The following OPCML variants were observed in gnomAD, a reference collection of about 807,000 sequenced individuals.
OPCML encodes opioid binding protein/cell adhesion molecule like.
Under a neutral mutation model 37.8 loss-of-function variants are expected in OPCML, and 13 were observed. The observed-to-expected ratio is 0.34, with a 90% CI of 0.22 to 0.55. The LOEUF (loss-of-function observed/expected upper bound fraction) is 0.55, where lower values mean the gene tolerates loss of function less well. Among genes scored for constraint, OPCML ranks in the 20% least tolerant of loss-of-function variants. The pLI is 0.91. For synonymous variants in OPCML, 176 were observed against 168.8 expected (o/e 1.04, Z -0.33); for missense variants, 341 against 435.6 (o/e 0.78, Z 1.93).
At chr11:132,707,071 T>C (rs1189396116) in intron 2 of OPCML, among the ~76,000 whole-genome samples, 1 of 152,210 alleles carries the variant, frequency 6.6e-6, no homozygotes, top group African/African-American at 2.4e-5. Context: ...TTTTTTAAAA[T>C]GTAATTTAAT....
At chr11:132,589,164 G>A (rs1240242387) in intron 3 of OPCML, among the ~76,000 whole-genome samples, 1 of 152,100 alleles carries the variant, frequency 6.6e-6, no homozygotes, top group Non-Finnish European at 1.5e-5. Flanking sequence ...AATATTCTGA[G>A]TATCATAGAT....
intron 2 of OPCML, among the ~76,000 whole-genome samples, chr11:132,911,314 C>T (rs1468952588): frequency 6.6e-6 from 1 of 152,160 alleles, no homozygotes; most frequent in African/African-American, 2.4e-5. Context: ...GCCAAATAAC[C>T]AGTAGATGAG....
chr11:132,999,019 G>C (rs1353273379), intron 1 of OPCML, among the ~76,000 whole-genome samples: 1 of 152,190 alleles, frequency 6.6e-6, no homozygotes, highest in African/African-American at 2.4e-5. Context: ...TCTTTCCGCA[G>C]ATGAGGAAAC....
chr11:133,168,124 G>C (rs925752128), intron 1 of OPCML, among the ~76,000 whole-genome samples: 2 of 152,232 alleles, frequency 1.3e-5, no homozygotes, highest in Non-Finnish European at 2.9e-5. Context: ...GAATTGGAAG[G>C]CTTCACTTGA....
At chr11:133,139,455 T>C (rs1459807097) in intron 1 of OPCML, among the ~76,000 whole-genome samples, 2 of 152,206 alleles carry the variant, frequency 1.3e-5, no homozygotes, top group Non-Finnish European at 2.9e-5. Context: ...AGTTAATAAG[T>C]GGTGAAACTG....
At chr11:132,938,934 A>G (rs190326473) in intron 2 of OPCML, among the ~76,000 whole-genome samples, 18 of 152,292 alleles carry the variant, frequency 1.2e-4, no homozygotes, top group Admixed American at 1.1e-3. Flanking sequence ...TTTTGACATC[A>G]TCAATCTGGG....
intron 1 of OPCML, among the ~76,000 whole-genome samples, chr11:133,312,877 A>T (rs1943098717): frequency 6.6e-6 from 1 of 152,214 alleles, no homozygotes; most frequent in Non-Finnish European, 1.5e-5. Flanking sequence ...AAAAAATCTC[A>T]TAGATTTATA....
At chr11:133,413,518 CAAAA>C (rs1028392596) in intron 1 of OPCML, among the ~76,000 whole-genome samples, 1 of 150,896 alleles carries the variant, frequency 6.6e-6, no homozygotes, top group Non-Finnish European at 1.5e-5. Context: ...TAAAAACAAA[CAAAA>C]AAAAGAAATA....
chr11:132,978,374 G>C (rs1946510068), intron 1 of OPCML, among the ~76,000 whole-genome samples: 1 of 152,194 alleles, frequency 6.6e-6, no homozygotes, highest in African/African-American at 2.4e-5. Context: ...GTGGAGAGAA[G>C]AGTTTGGTAG....
At chr11:133,327,202 AG>A (rs1018744579) in intron 1 of OPCML, among the ~76,000 whole-genome samples, 7 of 92,650 alleles carry the variant, frequency 7.6e-5, no homozygotes, top group Admixed American at 2.4e-4. Flanking sequence ...TGTGTGTATG[AG>A]GGGGTATGTG....
At chr11:132,898,864 GGAGGCCTCATGCTTCT>G (rs1478339345) in intron 2 of OPCML, among the ~76,000 whole-genome samples, 1 of 142,452 alleles carries the variant, frequency 7.0e-6, no homozygotes, top group Non-Finnish European at 1.5e-5. Flanking sequence ...CAGCCACTTT[GGAGGCCTCATGCTTCT>G]GAGTCAACTG....
intron 1 of OPCML, among the ~76,000 whole-genome samples, chr11:133,239,896 T>C (rs755506603): frequency 6.6e-6 from 1 of 152,102 alleles, no homozygotes; most frequent in Non-Finnish European, 1.5e-5. Flanking sequence ...TAAAAAGGAA[T>C]AAAATGTGTC....
At chr11:133,123,066 A>C (rs1161359217) in intron 1 of OPCML, among the ~76,000 whole-genome samples, 4 of 152,234 alleles carry the variant, frequency 2.6e-5, no homozygotes, top group Non-Finnish European at 5.9e-5. Context: ...ACTTGGAAAA[A>C]ATATTTCAAT....
intron 2 of OPCML, among the ~76,000 whole-genome samples, chr11:132,872,293 C>A (rs575320889): frequency 6.6e-6 from 1 of 152,126 alleles, no homozygotes; most frequent in Admixed American, 6.5e-5. Flanking sequence ...AATATTCTTT[C>A]TTTTCCATTA....
At chr11:133,364,599 A>G (rs971646717) in intron 1 of OPCML, among the ~76,000 whole-genome samples, 25 of 152,320 alleles carry the variant, frequency 1.6e-4, no homozygotes, top group African/African-American at 5.8e-4. Context: ...TTCCATCCGT[A>G]AAAAGGTAAA....
At chr11:133,489,275 CAA>C (rs1947600183) in intron 1 of OPCML, among the ~76,000 whole-genome samples, 1 of 151,620 alleles carries the variant, frequency 6.6e-6, no homozygotes. Context: ...AAACAATCAA[CAA>C]AGTCAACAGA....
chr11:132,892,670 G>T (rs1232944052), intron 2 of OPCML, among the ~76,000 whole-genome samples: 1 of 152,186 alleles, frequency 6.6e-6, no homozygotes, highest in African/African-American at 2.4e-5. Context: ...GGGAGGCTGA[G>T]GCAAGAGAAT....
At chr11:132,432,063 T>A (rs186809173) in intron 7 of OPCML, among the ~76,000 whole-genome samples, 1 of 152,160 alleles carries the variant, frequency 6.6e-6, no homozygotes, top group Non-Finnish European at 1.5e-5. Context: ...ATGAGCTGGA[T>A]TGCAATAGGA....
chr11:133,437,630 A>G (rs1423713099), intron 1 of OPCML, among the ~76,000 whole-genome samples: 2 of 143,748 alleles, frequency 1.4e-5, no homozygotes, highest in Non-Finnish European at 3.0e-5. Flanking sequence ...AACCCCGCTC[A>G]CCTCTCCCCT....
Sources: allele counts gnomAD v4.1 joint callset (sites outside exome capture counted in the v4.1 genomes callset), GRCh38; gene constraint gnomAD v4.1.1; transcripts MANE v1.5; gene names NCBI Gene and HGNC (gene_info 2026-07-23, HGNC 2026-07-21).